Variants in THSD7B observed in about 807,000 individuals in gnomAD.
THSD7B encodes the protein thrombospondin type-1 domain-containing protein 7B.
Under a neutral mutation model 213.6 loss-of-function variants are expected in THSD7B, and 138 were observed. That is an observed-to-expected ratio of 0.65 (90% confidence interval 0.56 to 0.74). The LOEUF (loss-of-function observed/expected upper bound fraction) is 0.74. Among genes scored for constraint, THSD7B ranks in the 30% least tolerant of loss-of-function variants. THSD7B has a pLI of 0.00. For synonymous variants in THSD7B, 742 were observed against 687.0 expected, an observed-to-expected ratio of 1.08 and a Z score of -1.25; for missense variants, 1,931 against 1,991.5, an observed-to-expected ratio of 0.97 and a Z score of 0.58.
chr2:137,013,492 G>C (rs1414347616), intron 2 of THSD7B, among the ~76,000 whole-genome samples: 1 of 152,194 alleles, frequency 6.6e-6, no homozygotes, highest in Non-Finnish European at 1.5e-5. Context: ...TGCACAGAGA[G>C]AGGAAGTTCC....
chr2:137,329,617 G>A (rs1039084059), intron 12 of THSD7B, among the ~76,000 whole-genome samples: 8 of 152,050 alleles, frequency 5.3e-5, no homozygotes, highest in African/African-American at 1.9e-4. Context: ...TGCCCACCTT[G>A]GCCTCCCAAA....
At chr2:137,092,482 A>G (rs113685808) in intron 3 of THSD7B, among the ~76,000 whole-genome samples, 18 of 152,298 alleles carry the variant, frequency 1.2e-4, no homozygotes, top group African/African-American at 3.8e-4. Flanking sequence ...CTTTTCCTCT[A>G]TGAACACATT....
At chr2:136,922,153 A>G (rs1225986946) in intron 2 of THSD7B, among the ~76,000 whole-genome samples, 1 of 152,224 alleles carries the variant, frequency 6.6e-6, no homozygotes, top group Non-Finnish European at 1.5e-5. Flanking sequence ...ACTGCCTAGC[A>G]TCAGCTTTAA....
At position 137,657,168 on chromosome 2, in the gene THSD7B, T is replaced by G; in HGVS notation, c.4375+8T>G. 6.2e-7 allele frequency: 1 copy of G among 1,613,608 alleles called. No homozygotes were observed. The highest frequency in any genetic ancestry group is 1.7e-5 in the Admixed American group (1 of 59,978). ...ATGGCGTTAATGTCACAGGTATTCC[T>G]GCCTAAGACTCATGTGGGCACTTCA... On this transcript the variant is annotated splice_region_variant and intron_variant, in intron 24 of 27. Coordinates refer to ENST00000409968, the MANE Select transcript of THSD7B (RefSeq NM_001316349.2).
chr2:137,208,423 C>T (rs2105031018), intron 7 of THSD7B, among the ~76,000 whole-genome samples: 1 of 115,674 alleles, frequency 8.6e-6, no homozygotes, highest in South Asian at 3.6e-4. Flanking sequence ...CTAAACGGGT[C>T]CTGTTAAGAA....
chr2:136,798,075 C>T (rs1200429140), intron 1 of THSD7B, among the ~76,000 whole-genome samples: 1 of 151,744 alleles, frequency 6.6e-6, no homozygotes, highest in Non-Finnish European at 1.5e-5. Flanking sequence ...CTTGGATGAG[C>T]ATTTCTTGGG....
intron 4 of THSD7B, among the ~76,000 whole-genome samples, chr2:137,107,667 A>G (rs1406598553): frequency 1.3e-5 from 2 of 152,180 alleles, no homozygotes; most frequent in South Asian, 2.1e-4. Flanking sequence ...TTTGTCTATT[A>G]CTGAGGTATT....
At chr2:136,869,581 G>A (rs769730059) in intron 1 of THSD7B, among the ~76,000 whole-genome samples, 8 of 152,154 alleles carry the variant, frequency 5.3e-5, no homozygotes, top group Non-Finnish European at 1.2e-4. Flanking sequence ...AATGTAAAAC[G>A]GTCCTACCAT....
At chr2:137,314,066 T>G (rs1684008776) in intron 12 of THSD7B, among the ~76,000 whole-genome samples, 3 of 152,204 alleles carry the variant, frequency 2.0e-5, no homozygotes, top group African/African-American at 7.2e-5. Flanking sequence ...TTTGCTAGAT[T>G]GGGGAAGTTC....
chr2:137,061,599 T>A (rs1480159855), intron 3 of THSD7B, among the ~76,000 whole-genome samples: 1 of 151,770 alleles, frequency 6.6e-6, no homozygotes, highest in Non-Finnish European at 1.5e-5. Context: ...AAATATTTTT[T>A]CTGCCTCTAT....
At chr2:137,371,699 T>C (rs1386895649) in intron 12 of THSD7B, among the ~76,000 whole-genome samples, 1 of 152,174 alleles carries the variant, frequency 6.6e-6, no homozygotes, top group Admixed American at 6.5e-5. Flanking sequence ...ATTTCATCTA[T>C]GTGTTCTTTT....
intron 1 of THSD7B, among the ~76,000 whole-genome samples, chr2:136,804,394 C>T (rs1682246373): frequency 7.8e-6 from 1 of 127,574 alleles, no homozygotes; most frequent in Non-Finnish European, 1.6e-5. Context: ...CTCACATACA[C>T]ACACACATAA....
intron 15 of THSD7B, among the ~76,000 whole-genome samples, chr2:137,477,357 T>A (rs997126248): frequency 6.6e-6 from 1 of 152,164 alleles, no homozygotes; most frequent in African/African-American, 2.4e-5. Context: ...GCATATAATA[T>A]CTTTTTCCAT....
chr2:137,656,918 G>C lies in THSD7B; in HGVS notation c.4228G>C (p.Glu1410Gln), dbSNP rs1411680952. ...AAGGACTTTTATAATTCAGTCTTTT[G>C]AGAACCAAGACAGCTGCCCCCAACA... ...RSRTFIIQSF[E>Q]NQDSCPQQVL... The change falls in exon 23 of 28, where the codon GAG becomes CAG. Residue 1410 changes from glutamate to glutamine, a missense_variant. Physicochemically the swap from Glu to Gln is conservative, Grantham distance 29 (BLOSUM62 2). Transcript: ENST00000409968. The C allele has an allele frequency of 1.2e-6, 2 of 1,613,992 alleles. No individual in the cohort carries two copies. The highest frequency in any genetic ancestry group is 1.7e-6 in the Non-Finnish European group (2 of 1,179,880).
At chr2:137,490,092 G>A (rs564152033) in intron 15 of THSD7B, among the ~76,000 whole-genome samples, 41 of 152,334 alleles carry the variant, frequency 2.7e-4, no homozygotes, top group Admixed American at 2.4e-3. Flanking sequence ...TAGCAGGGAT[G>A]ATGATATAAA....
At chr2:137,103,386 C>A (rs1433179244) in intron 4 of THSD7B, among the ~76,000 whole-genome samples, 1 of 152,132 alleles carries the variant, frequency 6.6e-6, no homozygotes, top group Non-Finnish European at 1.5e-5. Context: ...GAAGGAAGCA[C>A]TAAATATGGA....
chr2:136,956,868 C>T (rs756670126), intron 2 of THSD7B, among the ~76,000 whole-genome samples: 126 of 151,844 alleles, frequency 8.3e-4, no homozygotes, highest in Admixed American at 3.9e-4. Flanking sequence ...TTAGTAGAGA[C>T]GGGGCTTGAC....
chr2:137,329,451 C>G (rs1243266630), intron 12 of THSD7B, among the ~76,000 whole-genome samples: 5 of 152,140 alleles, frequency 3.3e-5, no homozygotes, highest in African/African-American at 1.2e-4. Flanking sequence ...CTGCAACCCC[C>G]ACCTCCAGGG....
intron 15 of THSD7B, among the ~76,000 whole-genome samples, chr2:137,489,571 G>A (rs1688559578): frequency 6.6e-6 from 1 of 152,194 alleles, no homozygotes; most frequent in Non-Finnish European, 1.5e-5. Flanking sequence ...TTTAAGAATT[G>A]CATTCATTGA....
Sources: allele counts gnomAD v4.1 joint callset (sites outside exome capture counted in the v4.1 genomes callset), GRCh38; gene constraint gnomAD v4.1.1; transcripts MANE v1.5; gene names NCBI Gene and HGNC (gene_info 2026-07-23, HGNC 2026-07-21).